ATP1B3: variants seen among roughly 807,000 people sequenced by gnomAD.
ATP1B3 encodes ATPase Na+/K+ transporting subunit beta 3.
Under a neutral mutation model 30.2 loss-of-function variants are expected in ATP1B3, and 10 were observed. The ratio of observed to expected loss-of-function variants is 0.33; its 90% CI spans 0.20 to 0.56. The LOEUF is 0.56. Ranked by LOEUF, ATP1B3 falls within the 20% of genes least tolerant of loss-of-function variation. The pLI is 0.90. For missense variants in ATP1B3, 238 were observed against 336.7 expected (o/e 0.71, Z 2.29); for synonymous variants, 113 against 117.0 (o/e 0.97, Z 0.22).
chr3:141,915,862 C>A, intron 4 of ATP1B3, 108 bp from the exon 5 acceptor site: 2 of 715,268 alleles, frequency 2.8e-6, no homozygotes, highest in Non-Finnish European at 2.3e-6. Flanking sequence ...TGTATACAGA[C>A]TTGGTGTTAA....
chr3:141,909,718 T>C (rs1199820788), intron 3 of ATP1B3, among the ~76,000 whole-genome samples: 1 of 152,306 alleles, frequency 6.6e-6, no homozygotes, highest in South Asian at 2.1e-4. Flanking sequence ...AGACTGTAGG[T>C]CCTTAGAACC....
Position 141,918,449 on chromosome 3 carries a change from CT to C in ATP1B3, c.582+2442del, listed in dbSNP as rs551426376. ...TATAAACAATTCCATATACCTCTCC[CT>C]TTTTTTTTTTTTGAGACGGAGTCTC... On this transcript the variant is annotated intron_variant, in intron 5 of 6. Transcript: ENST00000286371. The C allele has an allele frequency of 4.0e-3, 585 of 145,012 alleles. 2 individuals carry two copies. The highest frequency in any genetic ancestry group is 9.3e-3 in the African/African-American group (371 of 39,794). The allele number at this position is 145,012 out of a possible 1,614,324, so 9.0% of individuals were successfully genotyped here. A position where few individuals can be genotyped will look rare whatever the true frequency, so the allele number is the denominator to read the frequency against.
Position 141,910,921 on chromosome 3 carries a change from C to T in ATP1B3, c.347-2731C>T, listed in dbSNP as rs111902271. Among the ~76,000 whole-genome samples the T allele has an allele frequency of 8.2e-3, 1,245 of 151,920 alleles. 20 individuals carry two copies. The highest frequency in any genetic ancestry group is 0.028 in the African/African-American group (1,170 of 41,436). ...TATTTCTGAAAATGGCTTATTTCTG[C>T]CTTTATATTTGCTAGTTTATCTCCA... On this transcript the variant is annotated intron_variant, in intron 3 of 6. Transcript: ENST00000286371.
intron 5 of ATP1B3, among the ~76,000 whole-genome samples, chr3:141,917,608 C>T (rs542325381): frequency 1.6e-4 from 25 of 151,948 alleles, no homozygotes; most frequent in Non-Finnish European, 3.4e-4. Context: ...GCAAAGGAAC[C>T]GCTTGAACCT....
chr3:141,878,645 A>G (rs1933654073), intron 1 of ATP1B3, among the ~76,000 whole-genome samples: 1 of 152,240 alleles, frequency 6.6e-6, no homozygotes, highest in Admixed American at 6.5e-5. Flanking sequence ...TAAATAGATA[A>G]CATGCACAAA....
Position 141,926,314 on chromosome 3 carries a change from A to T in ATP1B3, c.*613A>T, listed in dbSNP as rs549861117. 6.6e-6 allele frequency: 1 copy of T among 152,216 alleles called. No homozygotes were observed. The highest frequency in any genetic ancestry group is 1.5e-5 in the Non-Finnish European group (1 of 67,996). The allele number at this position is 152,216 out of a possible 1,614,324, so 9.4% of individuals were successfully genotyped here. ...ACATGTAAAAAAAAAAACTGGGATT[A>T]ATTTTTAGTGTTGGAACTGCCTCTT... On this transcript the variant is annotated 3_prime_UTR_variant, in exon 7 of 7. Transcript: ENST00000286371.
intron 5 of ATP1B3, among the ~76,000 whole-genome samples, chr3:141,918,034 C>G (rs1489501762): frequency 6.6e-6 from 1 of 152,088 alleles, no homozygotes; most frequent in Non-Finnish European, 1.5e-5. Flanking sequence ...TCCCAAAGTG[C>G]TGGGATTACA....
chr3:141,915,783 G>A (rs1472220894), intron 4 of ATP1B3, among the ~76,000 whole-genome samples, 187 bp from the exon 5 acceptor site: 1 of 152,012 alleles, frequency 6.6e-6, no homozygotes, highest in Non-Finnish European at 1.5e-5. Context: ...TAAGATATCT[G>A]ATTGCTGAAG....
intron 1 of ATP1B3, among the ~76,000 whole-genome samples, chr3:141,885,393 GTCC>G (rs1933808230): frequency 6.6e-6 from 1 of 151,960 alleles, no homozygotes; most frequent in Non-Finnish European, 1.5e-5. Flanking sequence ...CACCAACCTT[GTCC>G]TCATTTTATC....
rs557886948 is a variant in ATP1B3 at position 141,879,018 on chromosome 3, T to C, written c.109+2108T>C. 2.0e-5 allele frequency among the ~76,000 whole-genome samples: 3 copies of C among 152,316 alleles called. No individual in the cohort carries two copies. The South Asian group carries it at 6.2e-4, about 32-fold the overall frequency. On this transcript the variant is annotated intron_variant, in intron 1 of 6. Transcript: ENST00000286371. Reference sequence around the variant, plus strand: ...ATCAGTTTGGAGAGCTCTGTGCCTCTGGGGATATGTCTGCCAGGAAGGATT... The same window carrying C: ...ATCAGTTTGGAGAGCTCTGTGCCTCCGGGGATATGTCTGCCAGGAAGGATT...
At chr3:141,896,749 AATT>A (rs1325116594) in intron 1 of ATP1B3, among the ~76,000 whole-genome samples, 9 of 152,164 alleles carry the variant, frequency 5.9e-5, no homozygotes, top group African/African-American at 2.2e-4. Flanking sequence ...AATTTTTAAA[AATT>A]ATCCTTCACC....
At chr3:141,877,780 AG>A (rs1269696395) in intron 1 of ATP1B3, among the ~76,000 whole-genome samples, 11 of 149,680 alleles carry the variant, frequency 7.3e-5, no homozygotes, top group African/African-American at 2.5e-4. Context: ...GAGTAGCTTT[AG>A]GATGCCTTTT....
chr3:141,877,529 C>G (rs1933629139), intron 1 of ATP1B3: 1 of 152,256 alleles, frequency 6.6e-6, no homozygotes, highest in Admixed American at 6.5e-5. Context: ...AGAAAATGCA[C>G]TTGAATTTGG....
chr3:141,893,891 A>G (rs1934008085), intron 1 of ATP1B3, among the ~76,000 whole-genome samples: 1 of 152,146 alleles, frequency 6.6e-6, no homozygotes, highest in African/African-American at 2.4e-5. Flanking sequence ...AGCTGTGTTC[A>G]TTGATTTCAT....
intron 1 of ATP1B3, among the ~76,000 whole-genome samples, chr3:141,902,614 A>G (rs1011175295): frequency 2.6e-5 from 4 of 152,222 alleles, no homozygotes; most frequent in Non-Finnish European, 5.9e-5. Flanking sequence ...CCCAAAGTAA[A>G]TCACTGGTTC....
At chr3:141,914,740 T>C (rs539603244) in intron 4 of ATP1B3, among the ~76,000 whole-genome samples, 1 of 152,292 alleles carries the variant, frequency 6.6e-6, no homozygotes, top group South Asian at 2.1e-4. Flanking sequence ...AAGTAAAATT[T>C]GGATCTTTTG....
At chr3:141,909,738 G>C (rs1207941848) in intron 3 of ATP1B3, among the ~76,000 whole-genome samples, 1 of 152,166 alleles carries the variant, frequency 6.6e-6, no homozygotes, top group South Asian at 2.1e-4. Flanking sequence ...CCATTGTTAA[G>C]TTCTTTGGCT....
intron 1 of ATP1B3, among the ~76,000 whole-genome samples, chr3:141,882,783 T>C (rs943970342): frequency 7.2e-5 from 11 of 152,158 alleles, no homozygotes; most frequent in Non-Finnish European, 1.3e-4. Context: ...AGGGTTTTTT[T>C]CCATGTTGGT....
intron 1 of ATP1B3, among the ~76,000 whole-genome samples, chr3:141,885,920 C>CACACCCCT (rs1933823465): frequency 6.7e-6 from 1 of 149,474 alleles, no homozygotes; most frequent in Non-Finnish European, 1.5e-5. Context: ...CACACACACA[C>CACACCCCT]ACACCCCTGT....
Sources: allele counts gnomAD v4.1 joint callset (sites outside exome capture counted in the v4.1 genomes callset), GRCh38; gene constraint gnomAD v4.1.1; transcripts MANE v1.5; gene names NCBI Gene and HGNC (gene_info 2026-07-23, HGNC 2026-07-21).